Variants in MAP2K1 observed in about 807,000 individuals in gnomAD.
MAP2K1 encodes the protein mitogen-activated protein kinase kinase 1, also known as dual specificity mitogen-activated protein kinase kinase 1.
A neutral mutation model predicts 46.3 loss-of-function variants in MAP2K1; 16 were observed. The observed-to-expected ratio is 0.35, with a 90% CI of 0.23 to 0.52. The LOEUF (loss-of-function observed/expected upper bound fraction) is 0.52, where lower values mean the gene tolerates loss of function less well. Ranked by LOEUF, MAP2K1 falls within the 20% of genes least tolerant of loss-of-function variation. The pLI, the probability that MAP2K1 is intolerant of heterozygous loss-of-function variation, is 0.94. For missense variants in MAP2K1, 263 were observed against 497.1 expected (o/e 0.53, Z 4.48); for synonymous variants, 183 against 185.6 (o/e 0.99, Z 0.11).
intron 5 of MAP2K1, among the ~76,000 whole-genome samples, chr15:66,472,072 T>G: frequency 6.2e-5 from 2 of 32,410 alleles, no homozygotes; most frequent in Non-Finnish European, 1.0e-4. Flanking sequence ...CAAGACTCCA[T>G]CTCAAAAAAA....
At chr15:66,389,527 A>G (rs1033612791) in intron 1 of MAP2K1, among the ~76,000 whole-genome samples, 1 of 150,976 alleles carries the variant, frequency 6.6e-6, no homozygotes, top group Non-Finnish European at 1.5e-5. Flanking sequence ...GTTAAAAGGT[A>G]AGGGCTCTGG....
At chr15:66,468,507 G>A (rs1011146711) in intron 5 of MAP2K1, among the ~76,000 whole-genome samples, 1 of 152,104 alleles carries the variant, frequency 6.6e-6, no homozygotes, top group African/African-American at 2.4e-5. Context: ...ATCTATCATA[G>A]GATTGTATAA....
At position 66,489,215 on chromosome 15, in the gene MAP2K1, C is replaced by T. The variant is rs771613524; in HGVS notation, c.961C>T (p.Pro321Ser). 24 of 1,613,460 alleles carry T rather than the reference C, an allele frequency of 1.5e-5. No homozygotes were observed. In the Admixed American group the frequency reaches 4.0e-4, roughly 27 times the overall value. Residue 321 changes from proline (P) to serine (S), a missense_variant and splice_region_variant, in exon 9 of 11, where the codon CCT becomes TCT. Pro to Ser is a moderately conservative substitution (Grantham distance 74). Coordinates refer to ENST00000307102, the MANE Select transcript of MAP2K1 (RefSeq NM_002755.4). ...FELLDYIVNE[P>S]PPKLPSGVFS... ...TTCTTATCTCAACATGTGTTTGCAG[C>T]CTCCTCCAAAACTGCCCAGTGGAGT...
intron 5 of MAP2K1, among the ~76,000 whole-genome samples, chr15:66,464,228 A>AGGAG (rs1892404489): frequency 6.6e-6 from 1 of 152,202 alleles, no homozygotes; most frequent in Non-Finnish European, 1.5e-5. Flanking sequence ...GTCCCAAGTT[A>AGGAG]CTAGGAAAGC....
At chr15:66,455,331 C>G (rs1892140082) in intron 5 of MAP2K1, among the ~76,000 whole-genome samples, 1 of 152,186 alleles carries the variant, frequency 6.6e-6, no homozygotes, top group South Asian at 2.1e-4. Flanking sequence ...CAATGTTTTG[C>G]TCTTTCAAAG....
chr15:66,395,329 G>A (rs1419559831), intron 1 of MAP2K1, among the ~76,000 whole-genome samples: 1 of 152,168 alleles, frequency 6.6e-6, no homozygotes, highest in Non-Finnish European at 1.5e-5. Flanking sequence ...CTCACTGTGG[G>A]TAACTGGAAT....
intron 1 of MAP2K1, among the ~76,000 whole-genome samples, chr15:66,388,248 T>C (rs190551531): frequency 4.5e-4 from 68 of 152,312 alleles, no homozygotes; most frequent in Middle Eastern, 3.4e-3. Flanking sequence ...CATGAGTCTG[T>C]TTCCTGGGGG....
chr15:66,459,384 A>G (rs904975935), intron 5 of MAP2K1, among the ~76,000 whole-genome samples: 6 of 151,934 alleles, frequency 3.9e-5, no homozygotes, highest in African/African-American at 1.5e-4. Context: ...TGGGAGGCCA[A>G]GATGGGTGGA....
chr15:66,397,294 C>T lies in MAP2K1; in HGVS notation c.80+9867C>T, dbSNP rs112949392. Among the ~76,000 whole-genome samples, 961 of 151,914 alleles carry T rather than the reference C, an allele frequency of 6.3e-3. 7 individuals carry two copies. The highest frequency in any genetic ancestry group is 0.01 in the Non-Finnish European group (699 of 67,940). Reference sequence around the variant, plus strand: ...CTGGGATTACAGGCGTGAGCCACGGCGCCCGGCCTGTAACACTTCTTAATG... The same window carrying T: ...CTGGGATTACAGGCGTGAGCCACGGTGCCCGGCCTGTAACACTTCTTAATG... On this transcript the variant is annotated intron_variant, in intron 1 of 10. Transcript: ENST00000307102.
intron 1 of MAP2K1, among the ~76,000 whole-genome samples, chr15:66,417,307 C>T (rs904338339): frequency 3.9e-5 from 6 of 152,124 alleles, no homozygotes; most frequent in Admixed American, 1.3e-4. Flanking sequence ...CAGTGTCTTA[C>T]GCCTGTAATC....
intron 7 of MAP2K1, among the ~76,000 whole-genome samples, chr15:66,485,961 C>T (rs533136825): frequency 6.6e-6 from 1 of 152,128 alleles, no homozygotes; most frequent in African/African-American, 2.4e-5. Context: ...TACAGTGGCG[C>T]CATCATGGCT....
At chr15:66,420,557 ATAAAAT>A (rs1018747205) in intron 1 of MAP2K1, among the ~76,000 whole-genome samples, 4 of 135,202 alleles carry the variant, frequency 3.0e-5, no homozygotes, top group Admixed American at 7.2e-5. Context: ...TGTCTCAAAA[ATAAAAT>A]AAAATAAATG....
intron 1 of MAP2K1, among the ~76,000 whole-genome samples, chr15:66,387,914 G>A (rs1048808044): frequency 2.0e-5 from 3 of 152,172 alleles, no homozygotes; most frequent in Non-Finnish European, 4.4e-5. Context: ...CCTTGTTGCA[G>A]GCCAACTGCC....
chr15:66,438,109 C>T (rs2093493648), intron 3 of MAP2K1, among the ~76,000 whole-genome samples: 1 of 144,862 alleles, frequency 6.9e-6, no homozygotes, highest in Non-Finnish European at 1.5e-5. Flanking sequence ...TTTTTTTAGA[C>T]AGAGTCTCGC....
chr15:66,405,532 G>A (rs536604259), intron 1 of MAP2K1, among the ~76,000 whole-genome samples: 1 of 152,272 alleles, frequency 6.6e-6, no homozygotes, highest in South Asian at 2.1e-4. Context: ...AGGAGAAAAT[G>A]AGGGACAAAG....
chr15:66,391,057 CTT>C (rs34264456), intron 1 of MAP2K1, among the ~76,000 whole-genome samples: 19,256 of 135,498 alleles, frequency 0.14, 1,314 homozygotes, highest in Non-Finnish European at 0.15. Flanking sequence ...TGAGCTGCTG[CTT>C]TTTTTTTTTT....
At chr15:66,439,995 C>A (rs1240746952) in intron 3 of MAP2K1, among the ~76,000 whole-genome samples, 1 of 151,446 alleles carries the variant, frequency 6.6e-6, no homozygotes, top group Non-Finnish European at 1.5e-5. Flanking sequence ...TACACTCGTA[C>A]ACCCACCACC....
chr15:66,432,343 G>A (rs574074642), intron 1 of MAP2K1, among the ~76,000 whole-genome samples: 2 of 152,336 alleles, frequency 1.3e-5, no homozygotes, highest in East Asian at 3.9e-4. Context: ...GCAAGGCATA[G>A]GAGGTAGAGG....
At chr15:66,487,512 G>A (rs776848801) in intron 8 of MAP2K1, among the ~76,000 whole-genome samples, 12 of 152,114 alleles carry the variant, frequency 7.9e-5, no homozygotes, top group Non-Finnish European at 1.0e-4. Context: ...GGTGGTGCAC[G>A]TCTGTAGTCC....
Sources: gnomAD v4.1 joint callset for allele counts (sites outside exome capture counted in the v4.1 genomes callset) on GRCh38, gnomAD v4.1.1 for gene constraint, MANE v1.5 for transcripts, NCBI Gene and HGNC (gene_info 2026-07-23, HGNC 2026-07-21) for gene names.